PAN3: variants seen among roughly 807,000 people sequenced by gnomAD.
PAN3 encodes PAN2-PAN3 deadenylation complex subunit PAN3.
A neutral mutation model predicts 96.2 loss-of-function variants in PAN3; 19 were observed. The ratio of observed to expected loss-of-function variants is 0.20; its 90% CI spans 0.14 to 0.29. PAN3 has a LOEUF of 0.29. Among genes scored for constraint, PAN3 ranks in the 10% least tolerant of loss-of-function variants. The probability of loss-of-function intolerance (pLI) is 1.00; values close to 1 mark genes in which losing one functional copy is unlikely to be tolerated. For synonymous variants in PAN3, 433 were observed against 406.6 expected (o/e 1.06, Z -0.78); for missense variants, 882 against 1,108.1 (o/e 0.80, Z 2.90).
intron 14 of PAN3, among the ~76,000 whole-genome samples, chr13:28,276,751 A>G (rs1887090419): frequency 6.6e-6 from 1 of 152,198 alleles, no homozygotes; most frequent in Admixed American, 6.5e-5. Flanking sequence ...TCTTCAGATA[A>G]TCCTTCACAT....
chr13:28,259,032 AAGG>A (rs1885453211), intron 7 of PAN3, among the ~76,000 whole-genome samples: 1 of 152,174 alleles, frequency 6.6e-6, no homozygotes, highest in Non-Finnish European at 1.5e-5. Flanking sequence ...AGGGATACAG[AAGG>A]CTGACTATGT....
chr13:28,275,033 G>C (rs1886946128), intron 14 of PAN3, among the ~76,000 whole-genome samples: 1 of 152,116 alleles, frequency 6.6e-6, no homozygotes, highest in Non-Finnish European at 1.5e-5. Flanking sequence ...CTGAAAATCA[G>C]TTGGGGGGCA....
At chr13:28,214,031 T>C (rs1377560858) in intron 5 of PAN3, among the ~76,000 whole-genome samples, 1 of 152,022 alleles carries the variant, frequency 6.6e-6, no homozygotes, top group Non-Finnish European at 1.5e-5. Context: ...GTGGCTGTAG[T>C]GAGCAATGAT....
At position 28,176,657 on chromosome 13, in the gene PAN3, G is replaced by A. The variant is rs45599035; in HGVS notation, c.619+98G>A. On this transcript the variant is annotated intron_variant, in intron 3 of 18. Coordinates refer to ENST00000380958, the MANE Select transcript of PAN3 (RefSeq NM_175854.8). ...TGTAGAAATTTTGAAAATTGTAAAC[G>A]GGCATAAAGAAGAAAATAAAAATTA... The A allele has an allele frequency of 2.5e-5, 29 of 1,162,734 alleles. 1 individual carries two copies. The highest frequency in any genetic ancestry group is 2.0e-4 in the African/African-American group (13 of 64,088). 72.0% of individuals were successfully genotyped at this position (1,162,734 alleles called of 1,614,324 possible).
At chr13:28,190,750 A>G (rs1877141284) in intron 4 of PAN3, among the ~76,000 whole-genome samples, 1 of 152,146 alleles carries the variant, frequency 6.6e-6, no homozygotes, top group Non-Finnish European at 1.5e-5. Flanking sequence ...GTGAGAATTC[A>G]CTCACTATCA....
intron 4 of PAN3, 48 bp downstream of exon 4, chr13:28,177,983 A>T (rs1430638032): frequency 6.6e-7 from 1 of 1,514,260 alleles, no homozygotes; most frequent in Admixed American, 1.7e-5. Context: ...TTTAGAAGTG[A>T]TGTTGGCATT....
At chr13:28,168,828 C>T (rs568682042) in intron 1 of PAN3, among the ~76,000 whole-genome samples, 1 of 152,120 alleles carries the variant, frequency 6.6e-6, no homozygotes, top group Non-Finnish European at 1.5e-5. Flanking sequence ...ACCATCCTGG[C>T]TAACATGGTG....
intron 17 of PAN3, among the ~76,000 whole-genome samples, chr13:28,282,777 C>T (rs9582033): frequency 0.048 from 7,267 of 152,198 alleles, 272 homozygotes; most frequent in South Asian, 0.15. Flanking sequence ...TAAGCCTGCA[C>T]GTGCTTACAC....
In PAN3 at chr13:28,176,574, C is replaced by T. The variant is rs759683421; in HGVS notation, c.619+15C>T. 3 of 1,609,174 alleles carry T rather than the reference C, an allele frequency of 1.9e-6. No homozygotes were observed. Among genetic ancestry groups the T allele is most frequent in the South Asian group, 1.1e-5 (1 of 90,918 alleles). ...TTCAGCCCATGGTAAGACCTGATCC[C>T]TTTTGCTTATGTGTGTCTGTGTATA... On this transcript the variant is annotated intron_variant, in intron 3 of 18. Transcript: ENST00000380958.
At chr13:28,206,306 TCTAA>T (rs1301803195) in intron 5 of PAN3, among the ~76,000 whole-genome samples, 6 of 149,908 alleles carry the variant, frequency 4.0e-5, no homozygotes, top group South Asian at 4.2e-4. Context: ...GATAAGATCG[TCTAA>T]CTGACTTTTT....
chr13:28,178,515 T>G (rs1405235043), intron 4 of PAN3, among the ~76,000 whole-genome samples: 1 of 152,120 alleles, frequency 6.6e-6, no homozygotes, highest in Non-Finnish European at 1.5e-5. Context: ...TGCCTTTGAG[T>G]CTTAATGAGA....
At chr13:28,156,826 C>T (rs1352926193) in intron 1 of PAN3, among the ~76,000 whole-genome samples, 2 of 151,756 alleles carry the variant, frequency 1.3e-5, no homozygotes, top group Non-Finnish European at 1.5e-5. Context: ...GTACCTATGT[C>T]TACCAAAAAA....
chr13:28,181,274 T>A (rs191420501), intron 4 of PAN3, among the ~76,000 whole-genome samples: 2 of 151,952 alleles, frequency 1.3e-5, no homozygotes, highest in Non-Finnish European at 2.9e-5. Context: ...TTTGGGAGGC[T>A]GAGGCTCGAG....
chr13:28,226,523 T>G (rs1468906369), intron 6 of PAN3, among the ~76,000 whole-genome samples: 3 of 152,246 alleles, frequency 2.0e-5, no homozygotes, highest in Non-Finnish European at 4.4e-5. Flanking sequence ...CCATGCCATT[T>G]CTCATCTAGT....
At chr13:28,225,658 T>C (rs535695410) in intron 6 of PAN3, among the ~76,000 whole-genome samples, 1 of 152,314 alleles carries the variant, frequency 6.6e-6, no homozygotes, top group Admixed American at 6.5e-5. Context: ...TTTTAACAAT[T>C]TGAATACAAA....
chr13:28,176,109 C>G (rs1446205693), intron 2 of PAN3, among the ~76,000 whole-genome samples: 1 of 152,108 alleles, frequency 6.6e-6, no homozygotes, highest in African/African-American at 2.4e-5. Flanking sequence ...AATGGTAGTA[C>G]AAATGGAGAA....
At chr13:28,191,381 C>T (rs75818535) in intron 4 of PAN3, among the ~76,000 whole-genome samples, 267 of 152,210 alleles carry the variant, frequency 1.8e-3, no homozygotes, top group Middle Eastern at 0.01. Flanking sequence ...ACTAGTGATT[C>T]GTAGCCAGGG....
intron 3 of PAN3, among the ~76,000 whole-genome samples, 191 bp downstream of exon 3, chr13:28,176,750 T>C (rs1172204810): frequency 1.3e-5 from 2 of 151,988 alleles, no homozygotes; most frequent in African/African-American, 4.8e-5. Flanking sequence ...CTCATGCCTG[T>C]AATCCCAGCA....
chr13:28,249,423 G>A (rs566417367), intron 6 of PAN3, among the ~76,000 whole-genome samples: 8 of 152,136 alleles, frequency 5.3e-5, no homozygotes, highest in Admixed American at 4.6e-4. Context: ...TGAAGAGATG[G>A]GCAGTAAAAA....
Sources: gnomAD v4.1 joint callset for allele counts (sites outside exome capture counted in the v4.1 genomes callset) on GRCh38, gnomAD v4.1.1 for gene constraint, MANE v1.5 for transcripts, NCBI Gene and HGNC (gene_info 2026-07-23, HGNC 2026-07-21) for gene names.